MAST2: variants seen among roughly 807,000 people sequenced by gnomAD.
The protein encoded by MAST2 is microtubule associated serine/threonine kinase 2, also known as microtubule-associated serine/threonine-protein kinase 2.
In MAST2, 70 loss-of-function variants were observed where a neutral mutation model predicts 147.4. The ratio of observed to expected loss-of-function variants is 0.47; its 90% CI spans 0.39 to 0.58. The LOEUF (loss-of-function observed/expected upper bound fraction) is 0.58, where lower values mean the gene tolerates loss of function less well. Among genes scored for constraint, MAST2 ranks in the 20% least tolerant of loss-of-function variants. MAST2 has a pLI of 0.00. For missense variants in MAST2, 2,080 were observed against 2,302.3 expected, an observed-to-expected ratio of 0.90 and a Z score of 1.98; for synonymous variants, 869 against 896.8, an observed-to-expected ratio of 0.97 and a Z score of 0.55.
At chr1:45,893,957 C>T (rs1362381138) in intron 4 of MAST2, among the ~76,000 whole-genome samples, 2 of 152,106 alleles carry the variant, frequency 1.3e-5, no homozygotes, top group African/African-American at 2.4e-5. Flanking sequence ...TAAAAATACA[C>T]TGACCCCAGC....
intron 12 of MAST2, among the ~76,000 whole-genome samples, chr1:46,022,693 G>T (rs943960159): frequency 2.0e-5 from 3 of 152,188 alleles, no homozygotes; most frequent in African/African-American, 7.2e-5. Context: ...AATGGCAATG[G>T]ACTTCTGGAA....
In MAST2 at chr1:45,824,457, C is replaced by A. The variant is rs368611726; in HGVS notation, c.202C>A (p.Leu68Met). ...EQDVVTGVSP[L>M]LFRKLSNPDI... Reference sequence around the variant, plus strand: ...GGATGTAGTAACTGGAGTTAGTCCCCTGCTCTTCAGGAAACTCAGTAATCC... The same window carrying A: ...GGATGTAGTAACTGGAGTTAGTCCCATGCTCTTCAGGAAACTCAGTAATCC... The change falls in exon 2 of 29, where the codon CTG becomes ATG. Residue 68 changes from leucine (L) to methionine (M), a missense_variant. Coordinates refer to ENST00000361297, the MANE Select transcript of MAST2 (RefSeq NM_015112.3). 4.8e-4 allele frequency: 770 copies of A among 1,609,820 alleles called. No individual in the cohort carries two copies. Among genetic ancestry groups the A allele is most frequent in the Non-Finnish European group, 6.1e-4 (720 of 1,177,482 alleles).
At chr1:46,007,722 T>C (rs1645544914) in intron 8 of MAST2, among the ~76,000 whole-genome samples, 1 of 152,036 alleles carries the variant, frequency 6.6e-6, no homozygotes, top group Non-Finnish European at 1.5e-5. Flanking sequence ...AGGGGGAGAT[T>C]TAGGTTATCA....
intron 4 of MAST2, among the ~76,000 whole-genome samples, chr1:45,924,091 C>G (rs1397507382): frequency 6.6e-6 from 1 of 152,148 alleles, no homozygotes; most frequent in East Asian, 1.9e-4. Flanking sequence ...AGGCTGGTCT[C>G]AAACTCCTGA....
chr1:46,021,512 A>G (rs1225328758), intron 11 of MAST2, among the ~76,000 whole-genome samples: 1 of 152,246 alleles, frequency 6.6e-6, no homozygotes, highest in Non-Finnish European at 1.5e-5. Flanking sequence ...CCTCTAGCAC[A>G]TAGGAGGTGC....
At chr1:45,901,899 A>T (rs1185249208) in intron 4 of MAST2, among the ~76,000 whole-genome samples, 1 of 152,182 alleles carries the variant, frequency 6.6e-6, no homozygotes, top group Non-Finnish European at 1.5e-5. Flanking sequence ...AGGGTTTTCT[A>T]GGTATAGGAT....
In MAST2 at chr1:45,803,676, G is replaced by A. The variant is rs1350788312; in HGVS notation, c.-220G>A. 7.1e-5 allele frequency: 23 copies of A among 323,518 alleles called. No individual in the cohort carries two copies. The highest frequency in any genetic ancestry group is 1.2e-4 in the Non-Finnish European group (22 of 180,548). 20.0% of individuals were successfully genotyped at this position (323,518 alleles called of 1,614,324 possible). On this transcript the variant is annotated 5_prime_UTR_variant, in exon 1 of 29. Coordinates refer to ENST00000361297, the MANE Select transcript of MAST2 (RefSeq NM_015112.3). ...ACGTGTGCTGGGTGGGAGAAGGCGAGGCGTCAGCGATGCTGTCTCTTCCGT... is the reference window on the plus strand; with the variant it reads ...ACGTGTGCTGGGTGGGAGAAGGCGAAGCGTCAGCGATGCTGTCTCTTCCGT...
intron 10 of MAST2, among the ~76,000 whole-genome samples, chr1:46,017,927 T>C (rs148644668): frequency 6.6e-6 from 1 of 152,374 alleles, no homozygotes; most frequent in Non-Finnish European, 1.5e-5. Flanking sequence ...CCTTGTATCC[T>C]ATTTACTACT....
intron 1 of MAST2, among the ~76,000 whole-genome samples, chr1:45,809,727 C>T (rs1272362110): frequency 6.6e-6 from 1 of 152,124 alleles, no homozygotes; most frequent in East Asian, 1.9e-4. Context: ...ACATGGGATC[C>T]TAGGAGGATC....
chr1:46,034,457 G>A (rs1646815362), intron 28 of MAST2, 81 bp from the exon 29 acceptor site: 2 of 1,438,172 alleles, frequency 1.4e-6, no homozygotes, highest in East Asian at 2.3e-5. Context: ...ACAGGGCTAA[G>A]CCCTGTCTTG....
intron 15 of MAST2, among the ~76,000 whole-genome samples, chr1:46,025,269 A>AT (rs1305694359): frequency 6.6e-6 from 1 of 152,212 alleles, no homozygotes; most frequent in Non-Finnish European, 1.5e-5. Flanking sequence ...CGGTGAGCTG[A>AT]TATCACACCA....
rs1643788594 is a variant in MAST2, at chr1:45,969,187, G to A, written c.592+9710G>A. ...AACATTCCTGTCATATCTGACTCTG[G>A]TTCTGATGCTTTTTCTGTCTCCTCA... On this transcript the variant is annotated intron_variant, in intron 5 of 28. Transcript: ENST00000361297. 2.6e-5 allele frequency among the ~76,000 whole-genome samples: 4 copies of A among 152,224 alleles called. No individual in the cohort carries two copies. The South Asian group carries it at 8.3e-4, about 32-fold the overall frequency.
chr1:45,888,382 A>G (rs1021923379), intron 4 of MAST2, among the ~76,000 whole-genome samples: 2 of 151,594 alleles, frequency 1.3e-5, no homozygotes, highest in Admixed American at 1.3e-4. Context: ...TATTTTTTTG[A>G]GACTGAGTCT....
chr1:46,029,294 C>T (rs1021733570), intron 18 of MAST2, 172 bp from the exon 19 acceptor site: 1 of 577,468 alleles, frequency 1.7e-6, no homozygotes, highest in Non-Finnish European at 3.1e-6. Flanking sequence ...AAAGATCAAG[C>T]TATGGTCTAG....
intron 5 of MAST2, among the ~76,000 whole-genome samples, chr1:45,991,174 G>T (rs1275229498): frequency 6.6e-6 from 1 of 152,098 alleles, no homozygotes; most frequent in Non-Finnish European, 1.5e-5. Flanking sequence ...AATTGCCAGT[G>T]CTCCTTTGTC....
At chr1:45,832,896 T>G (rs1645001818) in intron 3 of MAST2, among the ~76,000 whole-genome samples, 1 of 152,220 alleles carries the variant, frequency 6.6e-6, no homozygotes, top group Non-Finnish European at 1.5e-5. Flanking sequence ...AATTTAAGAA[T>G]ATTTTCTTTA....
intron 5 of MAST2, among the ~76,000 whole-genome samples, chr1:45,963,840 A>G (rs1215346957): frequency 6.6e-6 from 1 of 152,192 alleles, no homozygotes; most frequent in African/African-American, 2.4e-5. Context: ...GTCTTGTGTC[A>G]GTTTTCAAAG....
rs1230317145 is a variant in MAST2, at chr1:45,841,440, CATATAT to C, written c.468+11864_468+11869del. Reference sequence around the variant, plus strand: ...TTCTTACCGTATAAAGAAATATATACATATATATATTTCTTCTGTATATATATATAA... The same window carrying C: ...TTCTTACCGTATAAAGAAATATATACATATTTCTTCTGTATATATATATAA... On this transcript the variant is annotated intron_variant, in intron 3 of 28. Transcript: ENST00000361297. Among the ~76,000 whole-genome samples the C allele has an allele frequency of 2.0e-5, 3 of 151,466 alleles. No individual in the cohort carries two copies. The East Asian group carries it at 5.8e-4, about 29-fold the overall frequency.
At position 46,022,197 on chromosome 1, in the gene MAST2, G is replaced by A. The variant is rs6663206; in HGVS notation, c.1423+115G>A. On this transcript the variant is annotated intron_variant, in intron 12 of 28. Transcript: ENST00000361297. ...TTGGACATGGACACAACATGGCCCC[G>A]GGGGCCTCAGGATTTTAGGAGATAC... 9.9e-3 allele frequency: 13,270 copies of A among 1,334,104 alleles called. 897 individuals are homozygous for A. The African/African-American group carries it at 0.16, about 16-fold the overall frequency. The allele number at this position is 1,334,104 out of a possible 1,614,324, so 82.6% of individuals were successfully genotyped here.
Sources: allele counts gnomAD v4.1 joint callset (sites outside exome capture counted in the v4.1 genomes callset), GRCh38; gene constraint gnomAD v4.1.1; transcripts MANE v1.5; gene names NCBI Gene and HGNC (gene_info 2026-07-23, HGNC 2026-07-21).